The following KTN1 variants were observed in gnomAD, a reference collection of about 807,000 sequenced individuals.
KTN1 encodes kinectin 1.
A neutral mutation model predicts 222.5 loss-of-function variants in KTN1; 130 were observed. The observed-to-expected ratio is 0.58, with a 90% confidence interval of 0.51 to 0.68. The LOEUF is 0.68. Ranked by LOEUF, KTN1 falls within the 30% of genes least tolerant of loss-of-function variation. The probability of loss-of-function intolerance (pLI) is 0.00; values close to 1 mark genes in which losing one functional copy is unlikely to be tolerated. For missense variants in KTN1, 1,508 were observed against 1,500.4 expected (o/e 1.01, Z -0.08); for synonymous variants, 512 against 496.3 (o/e 1.03, Z -0.42).
At chr14:55,602,830 T>C (rs1046129084) in intron 1 of KTN1, among the ~76,000 whole-genome samples, 1 of 152,186 alleles carries the variant, frequency 6.6e-6, no homozygotes, top group African/African-American at 2.4e-5. Flanking sequence ...TCCTTTCTCC[T>C]TGGCCTCCCA....
chr14:55,648,976 A>T, intron 21 of KTN1, 106 bp downstream of exon 21: 1 of 734,948 alleles, frequency 1.4e-6, no homozygotes, highest in Non-Finnish European at 2.3e-6. Flanking sequence ...CCCAGGCTGG[A>T]GTGCAGTGGT....
At chr14:55,677,293 T>C (rs1010261583) in intron 41 of KTN1, among the ~76,000 whole-genome samples, 2 of 151,904 alleles carry the variant, frequency 1.3e-5, no homozygotes, top group Non-Finnish European at 2.9e-5. Flanking sequence ...CTGGCCAACA[T>C]GGTGAAACCC....
chr14:55,599,518 G>A (rs2035627051), intron 1 of KTN1, among the ~76,000 whole-genome samples: 1 of 151,880 alleles, frequency 6.6e-6, no homozygotes, highest in Non-Finnish European at 1.5e-5. Flanking sequence ...AGGGCGGAGT[G>A]CAGTGGCGCA....
At chr14:55,651,828 T>C (rs1056995321) in intron 24 of KTN1, 62 bp from the exon 25 acceptor site, 17 of 1,079,752 alleles carry the variant, frequency 1.6e-5, no homozygotes, top group East Asian at 4.8e-5. Context: ...TAAAGACTTA[T>C]AAAGCTTAAT....
chr14:55,644,657 T>C lies in KTN1; in HGVS notation c.2173-2316T>C, dbSNP rs1275030245. ...ATTCCAGTAGATTTTTAAGATTCAG[T>C]GATCAAGATTATTAAGTGAAAACTA... On this transcript the variant is annotated intron_variant, in intron 18 of 43. Transcript: ENST00000395314. 1.8e-4 allele frequency among the ~76,000 whole-genome samples: 27 copies of C among 151,392 alleles called. 1 individual carries two copies. The Admixed American group carries it at 1.8e-3, about 10-fold the overall frequency.
At chr14:55,618,934 T>C (rs1347697027) in intron 4 of KTN1, among the ~76,000 whole-genome samples, 1 of 152,216 alleles carries the variant, frequency 6.6e-6, no homozygotes, top group African/African-American at 2.4e-5. Context: ...AGTGAGGGTA[T>C]ATTGGCATTT....
rs2045456164 is a variant in KTN1 at position 55,671,571 on chromosome 14, A to G, written c.3354A>G (p.Leu1118=). Residue 1118 remains leucine, a synonymous_variant, in exon 36 of 44, where the codon CTA becomes CTG. Transcript: ENST00000395314. ...CTTTATTTCGTTCTTTGCAGGTTCT[A>G]GAGCACAAGTTGAAAGAAGCTGATG... is the stretch of plus-strand genomic sequence containing the variant. ...GTSGSEEVKV[L]EHKLKEADEM... is the part of the protein sequence containing the mutation. 6.2e-7 allele frequency: 1 copy of G among 1,607,744 alleles called. No homozygotes were observed. Among genetic ancestry groups the G allele is most frequent in the Non-Finnish European group, 8.5e-7 (1 of 1,177,706 alleles).
chr14:55,664,018 G>A lies in KTN1; in HGVS notation c.3154G>A (p.Asp1052Asn). ...ALASTEKMLQDKVNKTSKERQ... is the reference protein window; with the variant it reads ...ALASTEKMLQNKVNKTSKERQ... ...GGCATCAACTGAAAAAATGCTGCAG[G>A]ACAAAGTGAACAAGACTTCCAAGGT... is the stretch of plus-strand genomic sequence containing the variant. The change falls in exon 33 of 44, where the codon GAC becomes AAC. Residue 1052 changes from aspartate (D) to asparagine (N), a missense_variant. Physicochemically the swap from Asp to Asn is conservative, Grantham distance 23. Coordinates refer to ENST00000395314, the MANE Select transcript of KTN1 (RefSeq NM_001079521.2). The A allele has an allele frequency of 6.2e-7, 1 of 1,611,956 alleles. No homozygotes were observed. The highest frequency in any genetic ancestry group is 8.5e-7 in the Non-Finnish European group (1 of 1,178,584).
At chr14:55,591,949 A>G (rs1047798612) in intron 1 of KTN1, among the ~76,000 whole-genome samples, 5 of 152,116 alleles carry the variant, frequency 3.3e-5, no homozygotes, top group African/African-American at 1.2e-4. Context: ...CTCTGAAATG[A>G]CTGTTCATTT....
In KTN1 at chr14:55,625,860, CT is replaced by C. The variant is rs557335788; in HGVS notation, c.964-2048del. Among the ~76,000 whole-genome samples, 41 of 152,156 alleles carry C rather than the reference CT, an allele frequency of 2.7e-4. No homozygotes were observed. In the South Asian group the frequency reaches 5.0e-3, roughly 19 times the overall value. ...CTGACGCCAGCCTGCATTTTGCACC[CT>C]TTTCATGTATTTTTGTTAAACTGCA... On this transcript the variant is annotated intron_variant, in intron 5 of 43. Transcript: ENST00000395314.
chr14:55,650,248 T>C, intron 22 of KTN1, 80 bp from the exon 23 acceptor site: 2 of 864,474 alleles, frequency 2.3e-6, no homozygotes, highest in Non-Finnish European at 3.6e-6. Context: ...GGAGAGCCAT[T>C]TCATTATTTG....
At chr14:55,664,926 A>G (rs1233595828) in intron 33 of KTN1, among the ~76,000 whole-genome samples, 3 of 152,064 alleles carry the variant, frequency 2.0e-5, no homozygotes. Flanking sequence ...ATGGTACTCT[A>G]TTGAATCTTT....
At chr14:55,599,370 G>A (rs10133962) in intron 1 of KTN1, among the ~76,000 whole-genome samples, 11,686 of 152,092 alleles carry the variant, frequency 0.077, 498 homozygotes, top group South Asian at 0.12. Flanking sequence ...TATACTGTAC[G>A]GACTAGATTG....
intron 22 of KTN1, 138 bp downstream of exon 22, chr14:55,649,951 G>T: frequency 3.8e-6 from 2 of 522,664 alleles, no homozygotes; most frequent in Admixed American, 4.1e-5. Context: ...TTTTCTTAAT[G>T]GAATAAGAGA....
intron 33 of KTN1, 139 bp from the exon 34 acceptor site, chr14:55,667,102 T>C (rs2141274349): frequency 3.5e-6 from 2 of 566,742 alleles, no homozygotes; most frequent in East Asian, 3.3e-5. Context: ...GTGGGAAATT[T>C]TAATATTTGT....
chr14:55,651,116 T>G (rs144323126), intron 24 of KTN1, among the ~76,000 whole-genome samples: 1 of 152,280 alleles, frequency 6.6e-6, no homozygotes, highest in East Asian at 1.9e-4. Flanking sequence ...ATAGTGAGAT[T>G]TCATTGAAGA....
In KTN1 at chr14:55,684,526, T is replaced by C. The variant is rs2046616621; in HGVS notation, c.*423T>C. The C allele has an allele frequency of 4.9e-6, 1 of 203,926 alleles. No homozygotes were observed. Among genetic ancestry groups the C allele is most frequent in the African/African-American group, 2.3e-5 (1 of 43,758 alleles). 12.6% of individuals were successfully genotyped at this position (203,926 alleles called of 1,614,324 possible). On this transcript the variant is annotated 3_prime_UTR_variant, in exon 44 of 44. Coordinates refer to ENST00000395314, the MANE Select transcript of KTN1 (RefSeq NM_001079521.2). The stretch of plus-strand genomic sequence containing the variant: ...CAAGAAAACACTTTTTTGTTGCTAA[T>C]GTAATCGGTTTTTGTAATGGCGTCA...
chr14:55,672,538 G>A (rs948486322), intron 37 of KTN1, 92 bp from the exon 38 acceptor site: 31 of 730,496 alleles, frequency 4.2e-5, no homozygotes, highest in Non-Finnish European at 6.8e-5. Context: ...CAAAACCTTG[G>A]AAGTGTCTTT....
chr14:55,682,883 G>C (rs2046491217), intron 43 of KTN1: 1 of 151,880 alleles, frequency 6.6e-6, no homozygotes, highest in African/African-American at 2.4e-5. Flanking sequence ...CAGCCTCTTA[G>C]AAGTTTTGTC....
Sources: gnomAD v4.1 joint callset for allele counts (sites outside exome capture counted in the v4.1 genomes callset) on GRCh38, gnomAD v4.1.1 for gene constraint, MANE v1.5 for transcripts, NCBI Gene and HGNC (gene_info 2026-07-23, HGNC 2026-07-21) for gene names.